The following FAM3C variants were observed in gnomAD, a reference collection of about 807,000 sequenced individuals.
FAM3C encodes the protein FAM3 metabolism regulating signaling molecule C, also known as protein FAM3C.
FAM3C carries 15 observed loss-of-function variants against 32.5 expected under a neutral mutation model. That is an observed-to-expected ratio of 0.46 (90% CI 0.31 to 0.71). The LOEUF is 0.71. Ranked by LOEUF, FAM3C falls within the 30% of genes least tolerant of loss-of-function variation. The pLI is 0.05. For missense variants in FAM3C, 175 were observed against 274.4 expected (o/e 0.64, Z 2.56); for synonymous variants, 75 against 86.1 (o/e 0.87, Z 0.72).
intron 8 of FAM3C, among the ~76,000 whole-genome samples, chr7:121,352,360 A>G (rs1334762437): frequency 6.6e-6 from 1 of 152,180 alleles, no homozygotes; most frequent in African/African-American, 2.4e-5. Context: ...AGAACTACAT[A>G]TATCATTAAA....
chr7:121,355,282 G>GATTGTAA (rs941023688), intron 8 of FAM3C, among the ~76,000 whole-genome samples: 1 of 152,162 alleles, frequency 6.6e-6, no homozygotes, highest in African/African-American at 2.4e-5. Flanking sequence ...CACACTTTTA[G>GATTGTAA]ATTGTAAAGG....
At chr7:121,355,804 C>T (rs1487940260) in intron 8 of FAM3C, among the ~76,000 whole-genome samples, 1 of 152,112 alleles carries the variant, frequency 6.6e-6, no homozygotes, top group Non-Finnish European at 1.5e-5. Flanking sequence ...GGTGGCACAC[C>T]GCCCTTGGTA....
chr7:121,374,722 C>A (rs1208054624), intron 3 of FAM3C, among the ~76,000 whole-genome samples: 1 of 152,124 alleles, frequency 6.6e-6, no homozygotes, highest in East Asian at 1.9e-4. Context: ...TACTACACTT[C>A]AGTTTTGACA....
chr7:121,366,213 A>G (rs1011398050), intron 5 of FAM3C, among the ~76,000 whole-genome samples: 11 of 152,216 alleles, frequency 7.2e-5, no homozygotes, highest in Admixed American at 5.2e-4. Context: ...AAATCAAAAC[A>G]TATGTCCACA....
Position 121,364,036 on chromosome 7 carries a change from G to A in FAM3C, c.331+94C>T, listed in dbSNP as rs527357573. ...ACAGAGGGCTTTATCATCAAGAGCA[G>A]TACTTTCTAACCTGATCCTCTGATA... On this transcript the variant is annotated intron_variant, in intron 6 of 9. Transcript: ENST00000359943. 148 of 831,288 alleles carry A rather than the reference G, an allele frequency of 1.8e-4. No individual in the cohort carries two copies. In the South Asian group the frequency reaches 1.9e-3, roughly 11 times the overall value. 51.5% of individuals were successfully genotyped at this position (831,288 alleles called of 1,614,324 possible).
intron 1 of FAM3C, among the ~76,000 whole-genome samples, chr7:121,388,777 T>C (rs1387583886): frequency 6.6e-6 from 1 of 152,026 alleles, no homozygotes; most frequent in Non-Finnish European, 1.5e-5. Context: ...GAAACAGAAA[T>C]AGAATTAGAA....
At chr7:121,358,747 A>C (rs1793863409) in intron 8 of FAM3C, among the ~76,000 whole-genome samples, 1 of 152,064 alleles carries the variant, frequency 6.6e-6, no homozygotes, top group Non-Finnish European at 1.5e-5. Context: ...GTGGAAAAAT[A>C]CTTCTCAAGT....
In FAM3C at chr7:121,360,108, C is replaced by T. The variant is rs570639243; in HGVS notation, c.402G>A (p.Glu134=). The T allele has an allele frequency of 4.6e-5, 73 of 1,594,748 alleles. No homozygotes were observed. The South Asian group carries it at 7.5e-4, about 16-fold the overall frequency. Residue 134 remains glutamate, a synonymous_variant, in exon 8 of 10, where the codon GAG becomes GAA. Coordinates refer to ENST00000359943, the MANE Select transcript of FAM3C (RefSeq NM_014888.3). ...MWGGDVAPFI[E]FLKAIQDGTI... is the part of the protein sequence containing the mutation. ...TTCCATCTTGTATGGCCTTCAGAAA[C>T]TCAATAAATGGTGCCACATCTGAAG...
At chr7:121,366,165 A>G (rs1342628437) in intron 5 of FAM3C, among the ~76,000 whole-genome samples, 1 of 152,210 alleles carries the variant, frequency 6.6e-6, no homozygotes, top group South Asian at 2.1e-4. Flanking sequence ...AAACAGAGTT[A>G]CCACCTAAAA....
intron 5 of FAM3C, among the ~76,000 whole-genome samples, chr7:121,366,993 G>C (rs1162920152): frequency 2.0e-5 from 3 of 152,074 alleles, no homozygotes; most frequent in South Asian, 2.1e-4. Flanking sequence ...AGAAATAAAG[G>C]TAACAAAGAA....
At chr7:121,359,745 A>G (rs1441934157) in intron 8 of FAM3C, among the ~76,000 whole-genome samples, 1 of 152,084 alleles carries the variant, frequency 6.6e-6, no homozygotes, top group Non-Finnish European at 1.5e-5. Context: ...GATGAACCAT[A>G]AAAATGCTAT....
At chr7:121,382,364 G>A (rs1192750882) in intron 2 of FAM3C, among the ~76,000 whole-genome samples, 3 of 151,980 alleles carry the variant, frequency 2.0e-5, no homozygotes, top group Non-Finnish European at 2.9e-5. Flanking sequence ...CAAATACTGA[G>A]CAAAAACACA....
chr7:121,384,112 G>C (rs1425574841), intron 1 of FAM3C, among the ~76,000 whole-genome samples: 1 of 152,044 alleles, frequency 6.6e-6, no homozygotes, highest in Non-Finnish European at 1.5e-5. Flanking sequence ...GGGGAGTCTG[G>C]ACAGCTCCCA....
chr7:121,357,450 C>A (rs1159667046), intron 8 of FAM3C, among the ~76,000 whole-genome samples: 1 of 152,046 alleles, frequency 6.6e-6, no homozygotes, highest in Non-Finnish European at 1.5e-5. Context: ...GTATATAACA[C>A]AACTGGTAAA....
At chr7:121,395,230 GATAC>G (rs747990540) in intron 1 of FAM3C, among the ~76,000 whole-genome samples, 16 of 140,654 alleles carry the variant, frequency 1.1e-4, no homozygotes, top group Non-Finnish European at 2.1e-4. Flanking sequence ...CATATATATG[GATAC>G]ATACATACAT....
rs180715356 is a variant in FAM3C, at chr7:121,393,429, C to A, written c.-42+2733G>T. 2.0e-3 allele frequency among the ~76,000 whole-genome samples: 298 copies of A among 152,016 alleles called. 1 individual carries two copies. The highest frequency in any genetic ancestry group is 3.6e-3 in the Non-Finnish European group (248 of 67,994). Reference sequence around the variant, plus strand: ...CTCCAGTCTGCAGAACAGTGGGGTACCCTGTCTTTGTAAATAATTTAAAAA... The same window carrying A: ...CTCCAGTCTGCAGAACAGTGGGGTAACCTGTCTTTGTAAATAATTTAAAAA... On this transcript the variant is annotated intron_variant, in intron 1 of 9. Transcript: ENST00000359943.
At chr7:121,389,485 A>T (rs1042602970) in intron 1 of FAM3C, among the ~76,000 whole-genome samples, 1 of 152,144 alleles carries the variant, frequency 6.6e-6, no homozygotes, top group Non-Finnish European at 1.5e-5. Flanking sequence ...AAGCACCTTA[A>T]GCAGGTGGGG....
At chr7:121,369,267 C>T (rs1794094238) in intron 5 of FAM3C, among the ~76,000 whole-genome samples, 1 of 152,050 alleles carries the variant, frequency 6.6e-6, no homozygotes, top group Non-Finnish European at 1.5e-5. Flanking sequence ...AGGCATGAGC[C>T]ACCACGCCCA....
chr7:121,379,902 G>A (rs1189909177), intron 2 of FAM3C, among the ~76,000 whole-genome samples: 1 of 152,140 alleles, frequency 6.6e-6, no homozygotes, highest in Non-Finnish European at 1.5e-5. Flanking sequence ...GAGCAATGAG[G>A]AAGTCTAACT....
Sources: allele counts gnomAD v4.1 joint callset (sites outside exome capture counted in the v4.1 genomes callset), GRCh38; gene constraint gnomAD v4.1.1; transcripts MANE v1.5; gene names NCBI Gene and HGNC (gene_info 2026-07-23, HGNC 2026-07-21).